DCAF8L2: variants seen among roughly 807,000 people sequenced by gnomAD.
The protein encoded by DCAF8L2 is DDB1- and CUL4-associated factor 8-like protein 2.
For missense variants in DCAF8L2, 430 were observed against 490.7 expected (o/e 0.88, Z 1.17); for synonymous variants, 200 against 190.9 (o/e 1.05, Z -0.39).
chrX:27,491,829 C>G, the DCAF8L2 span, among the ~76,000 whole-genome samples: 2 of 111,294 alleles, frequency 1.8e-5, no homozygotes, highest in Non-Finnish European at 3.8e-5. Flanking sequence ...TTTTTCATGT[C>G]ATTAACAGTG....
intron 2 of DCAF8L2, among the ~76,000 whole-genome samples, chrX:27,635,786 C>CGTGTGTGTGT (rs754830405): frequency 2.3e-3 from 204 of 90,396 alleles, no homozygotes; most frequent in African/African-American, 8.0e-3. Flanking sequence ...TTTCCTTTTA[C>CGTGTGTGTGT]GTGTGTGTGT....
At chrX:27,653,211 A>C (rs1345967061) in intron 2 of DCAF8L2, among the ~76,000 whole-genome samples, 2 of 111,822 alleles carry the variant, frequency 1.8e-5, no homozygotes, top group Non-Finnish European at 3.8e-5. Flanking sequence ...ATAATACCTC[A>C]GCCACAGGAT....
At chrX:27,558,526 G>T in the DCAF8L2 span, among the ~76,000 whole-genome samples, 1 of 111,491 alleles carries the variant, frequency 9.0e-6, no homozygotes, top group Non-Finnish European at 1.9e-5. Context: ...TGTTTACTGG[G>T]AACACAATAT....
chrX:27,676,410 G>A (rs1930140794), intron 2 of DCAF8L2, among the ~76,000 whole-genome samples: 2 of 111,539 alleles, frequency 1.8e-5, no homozygotes, highest in African/African-American at 6.5e-5. Flanking sequence ...AAGTATTTGT[G>A]TACATATATA....
chrX:27,692,363 A>C (rs1930743147), intron 3 of DCAF8L2, among the ~76,000 whole-genome samples: 1 of 112,098 alleles, frequency 8.9e-6, no homozygotes, highest in Non-Finnish European at 1.9e-5. Context: ...ACAGACATGC[A>C]GGATATGATA....
At chrX:27,653,459 AC>A (rs1308948714) in intron 2 of DCAF8L2, among the ~76,000 whole-genome samples, 1 of 111,204 alleles carries the variant, frequency 9.0e-6, no homozygotes, top group Non-Finnish European at 1.9e-5. Flanking sequence ...AAAATTCATT[AC>A]AGTAGTCACC....
At chrX:27,533,573 A>G in the DCAF8L2 span, among the ~76,000 whole-genome samples, 1 of 112,023 alleles carries the variant, frequency 8.9e-6, no homozygotes, top group Non-Finnish European at 1.9e-5. Context: ...CCTTGTCATT[A>G]GTGAGTCAAA....
the DCAF8L2 span, among the ~76,000 whole-genome samples, chrX:27,541,188 A>G: frequency 4.5e-5 from 5 of 111,439 alleles, no homozygotes; most frequent in South Asian, 3.7e-4. Flanking sequence ...GAAATTGTCA[A>G]TTTTTGTGTT....
the DCAF8L2 span, among the ~76,000 whole-genome samples, chrX:27,470,096 G>C: frequency 1.8e-5 from 2 of 111,769 alleles, no homozygotes; most frequent in African/African-American, 6.5e-5. Context: ...TTAAGCAGGA[G>C]GGCTGACATA....
the DCAF8L2 span, among the ~76,000 whole-genome samples, chrX:27,552,399 A>G: frequency 9.0e-6 from 1 of 110,969 alleles, no homozygotes; most frequent in Non-Finnish European, 1.9e-5. Context: ...CATTTCCCCT[A>G]TGTTGTCTTC....
At chrX:27,475,321 A>C in the DCAF8L2 span, among the ~76,000 whole-genome samples, 1 of 112,188 alleles carries the variant, frequency 8.9e-6, no homozygotes, top group Non-Finnish European at 1.9e-5. Context: ...TTAGTTACTA[A>C]TTCACTTTTC....
chrX:27,661,861 G>A lies in DCAF8L2; in HGVS notation c.-219-15975G>A, dbSNP rs142217146. Reference sequence around the variant, plus strand: ...GTGGCAAGAGAGTCACAAAAATACTGTGAAGATTTTGAGTAAATAACCACT... The same window carrying A: ...GTGGCAAGAGAGTCACAAAAATACTATGAAGATTTTGAGTAAATAACCACT... On this transcript the variant is annotated intron_variant, in intron 2 of 4. Transcript: ENST00000451261. 6.9e-3 allele frequency among the ~76,000 whole-genome samples: 773 copies of A among 111,504 alleles called. 7 individuals carry two copies. Among genetic ancestry groups the A allele is most frequent in the African/African-American group, 0.023 (710 of 30,731 alleles).
chrX:27,669,480 T>A lies in DCAF8L2; in HGVS notation c.-219-8356T>A, dbSNP rs371539895. On this transcript the variant is annotated intron_variant, in intron 2 of 4. Transcript: ENST00000451261. Reference sequence around the variant, plus strand: ...CATTTATTTATTTATTTATTTATTTTTTATTTTTATTATACTTTAAGTTCT... The same window carrying A: ...CATTTATTTATTTATTTATTTATTTATTATTTTTATTATACTTTAAGTTCT... Among the ~76,000 whole-genome samples, 15 of 109,325 alleles carry A rather than the reference T, an allele frequency of 1.4e-4. No homozygotes were observed. The East Asian group carries it at 2.0e-3, about 14-fold the overall frequency. 94.9% of individuals were successfully genotyped at this position (109,325 alleles called of 115,157 possible).
intron 1 of DCAF8L2, among the ~76,000 whole-genome samples, chrX:27,590,991 T>TTATATATATATATATATATATATA (rs10571931): frequency 0.01 from 705 of 67,866 alleles, 18 homozygotes; most frequent in Non-Finnish European, 0.014. Context: ...CCTTTACATT[T>TTATATATATATATATATATATATA]TATATATATA....
the DCAF8L2 span, among the ~76,000 whole-genome samples, chrX:27,492,984 C>T: frequency 1.5e-4 from 17 of 111,796 alleles, 1 homozygote; most frequent in African/African-American, 4.9e-4. Flanking sequence ...GTAATCTCAA[C>T]ACTTTGGAAA....
At chrX:27,620,056 G>T (rs1307131609) in intron 1 of DCAF8L2, among the ~76,000 whole-genome samples, 1 of 111,185 alleles carries the variant, frequency 9.0e-6, no homozygotes, top group African/African-American at 3.3e-5. Flanking sequence ...CTTATTAAAA[G>T]ATGCTAAATT....
intron 2 of DCAF8L2, among the ~76,000 whole-genome samples, chrX:27,675,528 T>C (rs2147233351): frequency 8.9e-6 from 1 of 112,409 alleles, no homozygotes; most frequent in East Asian, 2.8e-4. Context: ...TTCAGTGTGC[T>C]AGTTGGTTAG....
chrX:27,662,713 T>G (rs1027224632), intron 2 of DCAF8L2, among the ~76,000 whole-genome samples: 1 of 111,698 alleles, frequency 9.0e-6, no homozygotes, highest in East Asian at 2.8e-4. Flanking sequence ...AATAAATGAT[T>G]TAACACTCAT....
the DCAF8L2 span, among the ~76,000 whole-genome samples, chrX:27,487,528 C>T: frequency 8.9e-6 from 1 of 111,760 alleles, no homozygotes; most frequent in Non-Finnish European, 1.9e-5. Flanking sequence ...AGTGGTCCGC[C>T]CACCTTGGCC....
Sources: allele counts gnomAD v4.1 joint callset (sites outside exome capture counted in the v4.1 genomes callset), GRCh38; gene constraint gnomAD v4.1.1; transcripts MANE v1.5; gene names NCBI Gene and HGNC (gene_info 2026-07-23, HGNC 2026-07-21).